Variants in ASIC2 observed in about 807,000 individuals in gnomAD.
ASIC2 encodes acid sensing ion channel subunit 2.
A neutral mutation model predicts 57.3 loss-of-function variants in ASIC2; 25 were observed. The ratio of observed to expected loss-of-function variants is 0.44; its 90% CI spans 0.32 to 0.61. ASIC2 has a LOEUF of 0.61. ASIC2 is among the 20% of genes least tolerant of loss of function. ASIC2 has a pLI of 0.06. For synonymous variants in ASIC2, 319 were observed against 307.5 expected (o/e 1.04, Z -0.39); for missense variants, 641 against 738.1 (o/e 0.87, Z 1.52).
At chr17:33,429,735 G>A (rs950231395) in intron 1 of ASIC2, among the ~76,000 whole-genome samples, 1 of 152,164 alleles carries the variant, frequency 6.6e-6, no homozygotes, top group Non-Finnish European at 1.5e-5. Flanking sequence ...GCATTTTGTT[G>A]CCTGAGCAAA....
intron 1 of ASIC2, among the ~76,000 whole-genome samples, chr17:33,324,292 AG>A (rs2142218653): frequency 6.7e-6 from 1 of 148,804 alleles, no homozygotes; most frequent in Admixed American, 6.7e-5. Flanking sequence ...GGACAGAGCA[AG>A]GGTTTTTTTT....
chr17:33,141,289 G>T (rs1168097470), intron 1 of ASIC2, among the ~76,000 whole-genome samples: 1 of 152,214 alleles, frequency 6.6e-6, no homozygotes, highest in Non-Finnish European at 1.5e-5. Flanking sequence ...GCAGCCCTGA[G>T]GGCTCTGCCC....
chr17:34,136,747 G>T (rs1912137026), intron 1 of ASIC2, among the ~76,000 whole-genome samples: 1 of 152,202 alleles, frequency 6.6e-6, no homozygotes, highest in Non-Finnish European at 1.5e-5. Context: ...CCTGTGTCAT[G>T]AGCCGTGGCC....
At chr17:33,034,606 G>A (rs1055493228) in intron 3 of ASIC2, among the ~76,000 whole-genome samples, 7 of 152,122 alleles carry the variant, frequency 4.6e-5, no homozygotes, top group Admixed American at 1.3e-4. Context: ...AGAATTCTAG[G>A]TTGATAAGTG....
chr17:33,942,101 G>A (rs560067901), intron 1 of ASIC2, among the ~76,000 whole-genome samples: 73 of 152,302 alleles, frequency 4.8e-4, no homozygotes, highest in African/African-American at 1.7e-3. Context: ...GCTGGACCAA[G>A]TTTCCAAGGA....
chr17:33,792,897 T>C (rs1485622370), intron 1 of ASIC2: 1 of 152,216 alleles, frequency 6.6e-6, no homozygotes, highest in African/African-American at 2.4e-5. Flanking sequence ...TCCATGCACT[T>C]GTTTTCTTCA....
chr17:33,179,477 T>C (rs319781), intron 1 of ASIC2, among the ~76,000 whole-genome samples: 100,043 of 152,118 alleles, frequency 0.66, 34,722 homozygotes, highest in African/African-American at 0.89. Flanking sequence ...AGATCCCACT[T>C]TACCTGGCAG....
chr17:33,453,874 T>G (rs1446088254), intron 1 of ASIC2, among the ~76,000 whole-genome samples: 2 of 152,238 alleles, frequency 1.3e-5, no homozygotes, highest in Non-Finnish European at 2.9e-5. Flanking sequence ...ATAAATGGCA[T>G]CATACAGTGT....
intron 1 of ASIC2, among the ~76,000 whole-genome samples, chr17:34,101,832 C>A (rs1910875261): frequency 6.6e-6 from 1 of 151,624 alleles, no homozygotes; most frequent in African/African-American, 2.4e-5. Flanking sequence ...TGCAAGTAAA[C>A]AGAATAGTCT....
chr17:33,608,889 T>C (rs1473069402), intron 1 of ASIC2, among the ~76,000 whole-genome samples: 2 of 152,234 alleles, frequency 1.3e-5, no homozygotes, highest in Non-Finnish European at 2.9e-5. Context: ...ACTTTGGCTC[T>C]TTAGCCCAAA....
chr17:33,824,736 G>T (rs186418966), intron 1 of ASIC2, among the ~76,000 whole-genome samples: 1 of 148,738 alleles, frequency 6.7e-6, no homozygotes, highest in Non-Finnish European at 1.5e-5. Flanking sequence ...AGATCTGATG[G>T]TTTTATAAAG....
At chr17:34,035,505 T>C (rs1907837594) in intron 1 of ASIC2, among the ~76,000 whole-genome samples, 1 of 150,482 alleles carries the variant, frequency 6.6e-6, no homozygotes, top group Admixed American at 6.6e-5. Context: ...CCAAAAGCAA[T>C]GGCAACAAAA....
intron 1 of ASIC2, among the ~76,000 whole-genome samples, chr17:34,094,757 G>C (rs1327529600): frequency 6.6e-6 from 1 of 152,124 alleles, no homozygotes; most frequent in Admixed American, 6.5e-5. Context: ...GGAAATTATG[G>C]TGTCAATGAA....
At chr17:34,109,913 T>C (rs1374633879) in intron 1 of ASIC2, among the ~76,000 whole-genome samples, 1 of 152,122 alleles carries the variant, frequency 6.6e-6, no homozygotes, top group African/African-American at 2.4e-5. Context: ...GTATAGATTT[T>C]ATGACTAGGT....
chr17:33,137,220 A>T (rs1369416501), intron 1 of ASIC2, among the ~76,000 whole-genome samples: 2 of 152,252 alleles, frequency 1.3e-5, no homozygotes, highest in East Asian at 1.9e-4. Context: ...AAGGAAGAAA[A>T]CAAGATGCTG....
At chr17:33,135,886 A>G (rs1454074038) in intron 1 of ASIC2, among the ~76,000 whole-genome samples, 1 of 152,270 alleles carries the variant, frequency 6.6e-6, no homozygotes, top group African/African-American at 2.4e-5. Flanking sequence ...CTGGAATGCA[A>G]GCTGGGCCAA....
At chr17:33,626,561 C>A (rs539867222) in intron 1 of ASIC2, among the ~76,000 whole-genome samples, 16 of 152,268 alleles carry the variant, frequency 1.1e-4, no homozygotes, top group Non-Finnish European at 2.4e-4. Flanking sequence ...AATAGTCCAG[C>A]AGTGGTACAT....
chr17:33,696,091 TC>T (rs1462716238), intron 1 of ASIC2, among the ~76,000 whole-genome samples: 4 of 152,212 alleles, frequency 2.6e-5, no homozygotes, highest in African/African-American at 7.2e-5. Context: ...GCAGTGAATA[TC>T]CTTATACAAA....
intron 3 of ASIC2, among the ~76,000 whole-genome samples, chr17:33,064,841 G>A (rs1485046727): frequency 2.6e-5 from 4 of 152,198 alleles, no homozygotes; most frequent in Admixed American, 6.5e-5. Flanking sequence ...TCTTTTGGTG[G>A]TCCACATTTT....
Sources: gnomAD v4.1 joint callset for allele counts (sites outside exome capture counted in the v4.1 genomes callset) on GRCh38, gnomAD v4.1.1 for gene constraint, MANE v1.5 for transcripts, NCBI Gene and HGNC (gene_info 2026-07-23, HGNC 2026-07-21) for gene names.